Variants in FES observed in about 807,000 individuals in gnomAD.
FES encodes the protein tyrosine-protein kinase Fes/Fps.
In FES, 83 loss-of-function variants were observed where a neutral mutation model predicts 109.6. The ratio of observed to expected loss-of-function variants is 0.76; its 90% CI spans 0.63 to 0.91. The LOEUF (loss-of-function observed/expected upper bound fraction) is 0.91, where lower values mean the gene tolerates loss of function less well. Among genes scored for constraint, FES ranks in the 40% least tolerant of loss-of-function variants. FES has a pLI of 0.00. For missense variants in FES, 943 were observed against 1,070.9 expected (o/e 0.88, Z 1.67); for synonymous variants, 458 against 442.1 (o/e 1.04, Z -0.45).
In FES at chr15:90,887,005, T is replaced by C. The variant is rs777854869; in HGVS notation, c.432T>C (p.Ala144=). 3.1e-6 allele frequency: 5 copies of C among 1,614,110 alleles called. No homozygotes were observed. The South Asian group carries it at 5.5e-5, about 18-fold the overall frequency. The change falls in exon 4 of 19, where the codon GCT becomes GCC. Residue 144 remains alanine (A), a synonymous_variant. Transcript: ENST00000328850. ...AGAAGCTGAAGAGCCAGTACCGAGC[T>C]CTGGCACGGGACAGTGCCCAAGCCA... ...DIEKLKSQYR[A]LARDSAQAKR...
rs764714477 is a variant in FES at position 90,885,576 on chromosome 15, G to T, written c.378G>T (p.Glu126Asp). The T allele has an allele frequency of 1.2e-6, 2 of 1,612,814 alleles. No individual in the cohort carries two copies. Among genetic ancestry groups the T allele is most frequent in the Non-Finnish European group, 1.7e-6 (2 of 1,179,842 alleles). Reference protein sequence around the residue: ...YSEQWQQLQQELTKTHSQDIE... With the variant: ...YSEQWQQLQQDLTKTHSQDIE... ...AGCAGTGGCAGCAGCTGCAGCAGGA[G>T]CTCACCAAGGTGAGCGGGCAGCACT... Residue 126 changes from glutamate (E) to aspartate (D), a missense_variant, in exon 3 of 19, where the codon GAG (glutamate) becomes GAT (aspartate). Physicochemically the swap from Glu to Asp is conservative, Grantham distance 45 (BLOSUM62 2). Transcript: ENST00000328850.
chr15:90,893,922 C>T lies in FES; in HGVS notation c.2204-14C>T, dbSNP rs532762805. On this transcript the variant is annotated splice_polypyrimidine_tract_variant and intron_variant, in intron 17 of 18. Coordinates refer to ENST00000328850, the MANE Select transcript of FES (RefSeq NM_002005.4). ...GTGCACTCACGCTGCCTCACCTCCT[C>T]GCCTCCTCTGCAGGCCGCTACTCCT... 1.4e-4 allele frequency: 224 copies of T among 1,613,364 alleles called. 1 individual carries two copies. The highest frequency in any genetic ancestry group is 8.3e-4 in the Middle Eastern group (5 of 6,060).
intron 12 of FES, 145 bp downstream of exon 12, chr15:90,891,821 C>T (rs1429118441): frequency 1.0e-5 from 13 of 1,305,134 alleles, no homozygotes; most frequent in Non-Finnish European, 1.4e-5. Context: ...TCAGGGCCAG[C>T]CTTGCTCTAG....
chr15:90,884,812 T>C (rs1326444396), intron 1 of FES: 6 of 512,640 alleles, frequency 1.2e-5, no homozygotes, highest in Non-Finnish European at 2.1e-5. Context: ...GGTTGGCTCC[T>C]GTTCCCGAAC....
chr15:90,895,493 G>A lies in FES; in HGVS notation c.2404G>A (p.Gly802Arg), dbSNP rs1376088084. ...LMEQCWAYEP[G>R]QRPSFSTIYQ... ...GGAGCAGTGCTGGGCCTATGAGCCT[G>A]GGCAGCGGCCCAGCTTCAGCACCAT... Residue 802 changes from glycine (G) to arginine (R), a missense_variant, in exon 19 of 19, where the codon GGG (glycine) becomes AGG (arginine). Transcript: ENST00000328850. 1 of 1,598,890 alleles carries A rather than the reference G, an allele frequency of 6.3e-7. No individual in the cohort carries two copies. Among genetic ancestry groups the A allele is most frequent in the Non-Finnish European group, 8.5e-7 (1 of 1,172,068 alleles).
In FES at chr15:90,893,150, G is replaced by C; in HGVS notation, c.1877G>C (p.Cys626Ser). The change falls in exon 15 of 19, where the codon TGC becomes TCC. Residue 626 changes from cysteine to serine, a missense_variant. Cys to Ser is a moderately radical substitution (Grantham distance 112). Coordinates refer to ENST00000328850, the MANE Select transcript of FES (RefSeq NM_002005.4). Reference sequence around the variant, plus strand: ...AACATCGTGCGTCTCATTGGTGTCTGCACCCAGAAGCAGCCCATCTACATC... The same window carrying C: ...AACATCGTGCGTCTCATTGGTGTCTCCACCCAGAAGCAGCCCATCTACATC... ...HPNIVRLIGVCTQKQPIYIVM... is the reference protein window; with the variant it reads ...HPNIVRLIGVSTQKQPIYIVM... 1.9e-6 allele frequency: 3 copies of C among 1,613,956 alleles called. No homozygotes were observed. The highest frequency in any genetic ancestry group is 2.5e-6 in the Non-Finnish European group (3 of 1,179,942).
chr15:90,895,380 C>A (rs771752863), intron 18 of FES, 36 bp from the exon 19 acceptor site: 1 of 1,472,588 alleles, frequency 6.8e-7, no homozygotes, highest in Non-Finnish European at 9.0e-7. Flanking sequence ...CTCAAACTCC[C>A]TCCTCATGCC....
intron 14 of FES, 84 bp downstream of exon 14, chr15:90,892,909 G>A (rs1374084096): frequency 1.9e-5 from 27 of 1,449,182 alleles, no homozygotes; most frequent in East Asian, 4.6e-5. Context: ...CTTGACCACC[G>A]TGGTGGTGTT....
intron 18 of FES, 23 bp from the exon 19 acceptor site, chr15:90,895,393 G>A (rs760441256): frequency 2.0e-6 from 3 of 1,499,076 alleles, no homozygotes; most frequent in Non-Finnish European, 2.7e-6. Context: ...CTCATGCCTG[G>A]TGTGCTGTGC....
At chr15:90,885,335 G>A in intron 2 of FES, 77 bp downstream of exon 2, 1 of 1,597,458 alleles carries the variant, frequency 6.3e-7, no homozygotes, top group Non-Finnish European at 8.5e-7. Flanking sequence ...CTCTGGGGCA[G>A]TGGCTGGAGA....
intron 13 of FES, 106 bp from the exon 14 acceptor site, chr15:90,892,601 G>A: frequency 1.8e-6 from 2 of 1,112,088 alleles, no homozygotes; most frequent in Non-Finnish European, 2.6e-6. Flanking sequence ...TGAGGGGTCC[G>A]AACACGGGGG....
chr15:90,893,738 T>TG lies in FES; in HGVS notation c.2134dup (p.Val712GlyfsTer19). 1.2e-6 allele frequency: 2 copies of TG among 1,612,082 alleles called. No homozygotes were observed. The highest frequency in any genetic ancestry group is 1.7e-6 in the Non-Finnish European group (2 of 1,179,318). On this transcript the variant is annotated frameshift_variant, in exon 17 of 19. Coordinates refer to ENST00000328850, the MANE Select transcript of FES (RefSeq NM_002005.4). LOFTEE classifies it high-confidence loss of function. Reference sequence around the variant, plus strand: ...TTGGGATGTCCCGAGAGGAAGCCGATGGGGTCTATGCAGCCTCAGGGGGCC... The same window carrying TG: ...TTGGGATGTCCCGAGAGGAAGCCGATGGGGGTCTATGCAGCCTCAGGGGGCC...
At chr15:90,892,585 C>G (rs1009876320) in intron 13 of FES, 122 bp from the exon 14 acceptor site, 8 of 829,808 alleles carry the variant, frequency 9.6e-6, no homozygotes, top group Non-Finnish European at 1.3e-5. Flanking sequence ...TCCCAGAGAG[C>G]CTGGGTGAGG....
Position 90,887,203 on chromosome 15 carries a change from G to C in FES, c.501G>C (p.Lys167Asn), listed in dbSNP as rs769233559. Residue 167 changes from lysine to asparagine, a missense_variant, in exon 5 of 19, where the codon AAG becomes AAC. Coordinates refer to ENST00000328850, the MANE Select transcript of FES (RefSeq NM_002005.4). ...TTCTGGCAGACAAGGACCGTGACAA[G>C]GCTAAGGACAAGTATGTGCGCAGCC... ...QEASKDKDRD[K>N]AKDKYVRSLW... is the part of the protein sequence containing the mutation. The C allele has an allele frequency of 1.9e-6, 3 of 1,613,374 alleles. No homozygotes were observed. Among genetic ancestry groups the C allele is most frequent in the Non-Finnish European group, 2.5e-6 (3 of 1,179,698 alleles).
At chr15:90,890,955 ACTC>A (rs1419447821) in intron 10 of FES, 24 bp from the exon 11 acceptor site, 15 of 1,551,772 alleles carry the variant, frequency 9.7e-6, no homozygotes, top group East Asian at 2.4e-5. Flanking sequence ...TGGTTAAGTG[ACTC>A]CTCCTCGATC....
At chr15:90,890,323 AC>A (rs760864102) in intron 9 of FES, 45 bp downstream of exon 9, 20 of 1,590,034 alleles carry the variant, frequency 1.3e-5, no homozygotes, top group Non-Finnish European at 1.6e-5. Flanking sequence ...CGGCCTGCCC[AC>A]CTGGGGCTGC....
intron 18 of FES, among the ~76,000 whole-genome samples, chr15:90,894,662 A>C (rs995301037): frequency 3.3e-5 from 5 of 152,170 alleles, no homozygotes; most frequent in South Asian, 4.1e-4. Context: ...GCTACTCGGG[A>C]GGCTGAGGTG....
At position 90,893,433 on chromosome 15, in the gene FES, C is replaced by T. The variant is rs1283485120; in HGVS notation, c.2045+19C>T. On this transcript the variant is annotated intron_variant, in intron 16 of 18. Transcript: ENST00000328850. ...TCCACCGGTGAGTGGGCGGTGGCCA[C>T]GGGCCCTGCCAACACCCCCGACCAG... 26 of 1,527,000 alleles carry T rather than the reference C, an allele frequency of 1.7e-5. No individual in the cohort carries two copies. Among genetic ancestry groups the T allele is most frequent in the Middle Eastern group, 1.8e-4 (1 of 5,654 alleles). The allele number at this position is 1,527,000 out of a possible 1,614,324, so 94.6% of individuals were successfully genotyped here. A position where few individuals can be genotyped will look rare whatever the true frequency, so the allele number is the denominator to read the frequency against.
chr15:90,890,134 G>A lies in FES; in HGVS notation c.1092G>A (p.Leu364=). Reference sequence around the variant, plus strand: ...AGAGGCAAGTGCTGCAAGAAGCACTGCAGGGGCTGCAGGTAGCGCTGTGCA... The same window carrying A: ...AGAGGCAAGTGCTGCAAGAAGCACTACAGGGGCTGCAGGTAGCGCTGTGCA... The part of the protein sequence containing the change: ...LGKRQVLQEA[L]QGLQVALCSQ... The change falls in exon 9 of 19, where the codon CTG becomes CTA. Residue 364 remains leucine (L), a synonymous_variant. Coordinates refer to ENST00000328850, the MANE Select transcript of FES (RefSeq NM_002005.4). 6.3e-7 allele frequency: 1 copy of A among 1,583,780 alleles called. No individual in the cohort carries two copies.
Sources: gnomAD v4.1 joint callset for allele counts (sites outside exome capture counted in the v4.1 genomes callset) on GRCh38, gnomAD v4.1.1 for gene constraint, MANE v1.5 for transcripts, NCBI Gene and HGNC (gene_info 2026-07-23, HGNC 2026-07-21) for gene names.